Variants in RAP1B observed in about 807,000 individuals in gnomAD.
RAP1B encodes the protein RAP1B, member of RAS oncogene family.
Under a neutral mutation model 27.5 loss-of-function variants are expected in RAP1B, and 1 was observed. That is an observed-to-expected ratio of 0.04 (90% CI 0.01 to 0.17). The LOEUF (loss-of-function observed/expected upper bound fraction) is 0.17, where lower values mean the gene tolerates loss of function less well. Among genes scored for constraint, RAP1B ranks in the 10% least tolerant of loss-of-function variants. The pLI is 1.00. For synonymous variants in RAP1B, 75 were observed against 73.1 expected, an observed-to-expected ratio of 1.03 and a Z score of -0.13; for missense variants, 84 against 214.8, an observed-to-expected ratio of 0.39 and a Z score of 3.81.
chr12:68,631,279 T>C lies in RAP1B; in HGVS notation c.-26-17420T>C, dbSNP rs147672664. ...ATCCTTATGTCACTTTCTTGCAGTTTCTTCCATTTGGTATGCTATTTCTGA... is the reference window on the plus strand; with the variant it reads ...ATCCTTATGTCACTTTCTTGCAGTTCCTTCCATTTGGTATGCTATTTCTGA... On this transcript the variant is annotated intron_variant, in intron 1 of 7. Coordinates refer to ENST00000250559, the MANE Select transcript of RAP1B (RefSeq NM_001010942.3). Among the ~76,000 whole-genome samples, 855 of 152,342 alleles carry C rather than the reference T, an allele frequency of 5.6e-3. 8 individuals are homozygous for C. Among genetic ancestry groups the C allele is most frequent in the South Asian group, 0.021 (103 of 4,824 alleles).
At chr12:68,653,061 T>A (rs761410963) in intron 4 of RAP1B, among the ~76,000 whole-genome samples, 1 of 151,536 alleles carries the variant, frequency 6.6e-6, no homozygotes, top group Non-Finnish European at 1.5e-5. Context: ...ATACAAAAAT[T>A]AGCCAGGTGC....
chr12:68,643,749 AT>A (rs1252430395), intron 1 of RAP1B, among the ~76,000 whole-genome samples: 1 of 152,148 alleles, frequency 6.6e-6, no homozygotes, highest in Non-Finnish European at 1.5e-5. Flanking sequence ...GCCAGTAATT[AT>A]CAGCATTCTT....
intron 1 of RAP1B, among the ~76,000 whole-genome samples, chr12:68,624,104 A>T (rs1011309070): frequency 6.6e-6 from 1 of 152,138 alleles, no homozygotes; most frequent in Non-Finnish European, 1.5e-5. Flanking sequence ...TTTGGAGAAG[A>T]TACCAGGGTC....
Position 68,664,135 on chromosome 12 carries a change from T to G in RAP1B, c.*4886T>G, listed in dbSNP as rs1445997520. 2.0e-5 allele frequency: 3 copies of G among 152,102 alleles called. No homozygotes were observed. Among genetic ancestry groups the G allele is most frequent in the African/African-American group, 7.2e-5 (3 of 41,412 alleles). 9.4% of individuals were successfully genotyped at this position (152,102 alleles called of 1,614,324 possible). On this transcript the variant is annotated 3_prime_UTR_variant, in exon 8 of 8. Transcript: ENST00000250559. ...TAGTATTTGGGTCAAAATGCAGGGTTTTTTCCTGAAAACAAAACAGCACAC... is the reference window on the plus strand; with the variant it reads ...TAGTATTTGGGTCAAAATGCAGGGTGTTTTCCTGAAAACAAAACAGCACAC...
chr12:68,615,524 G>A (rs1870922028), intron 1 of RAP1B, among the ~76,000 whole-genome samples: 1 of 151,760 alleles, frequency 6.6e-6, no homozygotes, highest in African/African-American at 2.4e-5. Flanking sequence ...GGGAGGCGGA[G>A]GTTGCAGTGA....
chr12:68,644,847 C>G (rs965550373), intron 1 of RAP1B, among the ~76,000 whole-genome samples: 4 of 151,652 alleles, frequency 2.6e-5, no homozygotes, highest in African/African-American at 4.8e-5. Context: ...TGCCACCACA[C>G]CCGGCTAATT....
chr12:68,647,379 CA>C (rs1565670473), intron 1 of RAP1B, among the ~76,000 whole-genome samples: 24 of 24,326 alleles, frequency 9.9e-4, no homozygotes, highest in Non-Finnish European at 1.6e-3. Flanking sequence ...CCCCCCACTC[CA>C]CTCCCCGCCC....
Position 68,610,979 on chromosome 12 carries a change from A to G in RAP1B, c.-91A>G. The G allele has an allele frequency of 3.2e-6, 1 of 314,378 alleles. No homozygotes were observed. The highest frequency in any genetic ancestry group is 5.8e-6 in the Non-Finnish European group (1 of 171,262). The allele number at this position is 314,378 out of a possible 1,614,324, so 19.5% of individuals were successfully genotyped here. On this transcript the variant is annotated 5_prime_UTR_variant, in exon 1 of 8. Coordinates refer to ENST00000250559, the MANE Select transcript of RAP1B (RefSeq NM_001010942.3). The stretch of plus-strand genomic sequence containing the variant: ...CAGCGGCAGGACCGCCGTGGCGCCT[A>G]GAGTAGCGACCCGGGGGGAGCGCGG...
At chr12:68,625,370 TA>T (rs1263055998) in intron 1 of RAP1B, among the ~76,000 whole-genome samples, 6 of 152,244 alleles carry the variant, frequency 3.9e-5, no homozygotes, top group Non-Finnish European at 8.8e-5. Flanking sequence ...ATTAGCTGCA[TA>T]AGCCAGTGCG....
chr12:68,644,686 CTTTTTTTTTTT>C (rs535569981), intron 1 of RAP1B, among the ~76,000 whole-genome samples: 2 of 109,116 alleles, frequency 1.8e-5, no homozygotes, highest in African/African-American at 7.4e-5. Context: ...TTAAAAGTTA[CTTTTTTTTTTT>C]TTTTTTTTTG....
chr12:68,659,056 T>A (rs1456615382), intron 7 of RAP1B, among the ~76,000 whole-genome samples: 1 of 152,226 alleles, frequency 6.6e-6, no homozygotes, highest in Non-Finnish European at 1.5e-5. Flanking sequence ...TTCCTAAGAT[T>A]TTCATTTAAC....
At position 68,666,241 on chromosome 12, in the gene RAP1B, T is replaced by A. The variant is rs2135981490; in HGVS notation, c.*6992T>A. On this transcript the variant is annotated 3_prime_UTR_variant, in exon 8 of 8. Transcript: ENST00000250559. ...TCTCTCAATTTTCGTAAGTGGTATT[T>A]TGGTGCTTTACCCAAAATATTAGGG... 1 of 152,366 alleles carries A rather than the reference T, an allele frequency of 6.6e-6. No individual in the cohort carries two copies. Among genetic ancestry groups the A allele is most frequent in the African/African-American group, 2.4e-5 (1 of 41,584 alleles). The allele number at this position is 152,366 out of a possible 1,614,324, so 9.4% of individuals were successfully genotyped here.
At chr12:68,612,608 A>G (rs962207816) in intron 1 of RAP1B, among the ~76,000 whole-genome samples, 7 of 152,240 alleles carry the variant, frequency 4.6e-5, no homozygotes, top group African/African-American at 1.7e-4. Context: ...TCATCTTACA[A>G]AGAATATTCT....
chr12:68,651,666 C>G (rs1873823296), intron 3 of RAP1B: 1 of 245,726 alleles, frequency 4.1e-6, no homozygotes, highest in South Asian at 7.1e-5. Context: ...GGAACTGTTG[C>G]TGGTTTTGTT....
intron 1 of RAP1B, among the ~76,000 whole-genome samples, chr12:68,637,134 T>C: frequency 6.6e-6 from 1 of 152,218 alleles, no homozygotes; most frequent in South Asian, 2.1e-4. Context: ...TTAGTCTTTA[T>C]TCAGCAAACA....
At chr12:68,621,408 T>C (rs1871378726) in intron 1 of RAP1B, 1 of 152,236 alleles carries the variant, frequency 6.6e-6, no homozygotes, top group Admixed American at 6.5e-5. Flanking sequence ...TAAATCCTTC[T>C]ATTTTAGCTT....
At chr12:68,619,356 C>T (rs1290131036) in intron 1 of RAP1B, among the ~76,000 whole-genome samples, 1 of 152,182 alleles carries the variant, frequency 6.6e-6, no homozygotes, top group Non-Finnish European at 1.5e-5. Context: ...AAGCTTGTAT[C>T]AGCTGCTGTA....
chr12:68,626,755 T>C, intron 1 of RAP1B: 1 of 971,890 alleles, frequency 1.0e-6, no homozygotes, highest in Non-Finnish European at 1.5e-6. Flanking sequence ...GGGAAGGTAG[T>C]ATCAGAATTT....
In RAP1B at chr12:68,639,925, C is replaced by T. The variant is rs550735837; in HGVS notation, c.-26-8774C>T. 6.5e-4 allele frequency among the ~76,000 whole-genome samples: 99 copies of T among 151,992 alleles called. 1 individual carries two copies. Among genetic ancestry groups the T allele is most frequent in the African/African-American group, 2.2e-3 (93 of 41,436 alleles). ...GCACAATCTCAGCTCACTGTAGCCT[C>T]TGCCTCCTGGGTTCAAGCGATTCTC... On this transcript the variant is annotated intron_variant, in intron 1 of 7. Coordinates refer to ENST00000250559, the MANE Select transcript of RAP1B (RefSeq NM_001010942.3).
Sources: gnomAD v4.1 joint callset for allele counts (sites outside exome capture counted in the v4.1 genomes callset) on GRCh38, gnomAD v4.1.1 for gene constraint, MANE v1.5 for transcripts, NCBI Gene and HGNC (gene_info 2026-07-23, HGNC 2026-07-21) for gene names.